The following XKR9 variants were observed in gnomAD, a reference collection of about 807,000 sequenced individuals.
XKR9 encodes XK-related protein 9.
XKR9 carries 32 observed loss-of-function variants against 32.0 expected under a neutral mutation model. The observed-to-expected ratio is 1.00, with a 90% CI of 0.76 to 1.34. The LOEUF (loss-of-function observed/expected upper bound fraction) is 1.34. XKR9 is among the 40% of genes most tolerant of loss of function. The pLI is 0.00. For synonymous variants in XKR9, 168 were observed against 143.4 expected, an observed-to-expected ratio of 1.17 and a Z score of -1.22; for missense variants, 546 against 429.7, an observed-to-expected ratio of 1.27 and a Z score of -2.39.
chr8:70,678,187 GC>G (rs1412981300), intron 2 of XKR9: 1 of 151,966 alleles, frequency 6.6e-6, no homozygotes, highest in Non-Finnish European at 1.5e-5. Context: ...CCCATGATAT[GC>G]CCATCTCTAC....
intron 4 of XKR9, among the ~76,000 whole-genome samples, chr8:70,727,353 G>C (rs573699312): frequency 2.4e-4 from 36 of 149,162 alleles, no homozygotes; most frequent in African/African-American, 8.9e-4. Context: ...CAGGACCTCA[G>C]AGTTTTATTA....
the XKR9 span, among the ~76,000 whole-genome samples, chr8:70,807,908 T>G: frequency 6.6e-6 from 1 of 152,146 alleles, no homozygotes; most frequent in Admixed American, 6.5e-5. Flanking sequence ...CTGGATCAAG[T>G]GGATCTAATA....
intron 2 of XKR9, among the ~76,000 whole-genome samples, chr8:70,754,864 C>A (rs199929172): frequency 0.68 from 102,441 of 151,588 alleles, 35,139 homozygotes; most frequent in Admixed American, 0.74. Context: ...CAAGGACTTC[C>A]TGTCTAAAAC....
the XKR9 span, among the ~76,000 whole-genome samples, chr8:70,817,050 C>G: frequency 3.3e-5 from 5 of 151,960 alleles, no homozygotes; most frequent in Admixed American, 3.3e-4. Context: ...GATTTTATAT[C>G]TAGAAAACCC....
In XKR9 at chr8:70,770,913, A is replaced by G; in HGVS notation, n.353-18426A>G. Reference sequence around the variant, plus strand: ...CCTGGCCTTAGCTGCCTTTCAGGATAGTGAATGCTTCTTGTCTTGCTGGGG... The same window carrying G: ...CCTGGCCTTAGCTGCCTTTCAGGATGGTGAATGCTTCTTGTCTTGCTGGGG... On this transcript the variant is annotated intron_variant and non_coding_transcript_variant, in intron 2 of 3. Transcript: ENST00000520273. Among the ~76,000 whole-genome samples, 2 of 152,166 alleles carry G rather than the reference A, an allele frequency of 1.3e-5. 1 individual carries two copies. The highest frequency in any genetic ancestry group is 1.3e-4 in the Admixed American group (2 of 15,274).
chr8:70,884,558 G>A, the XKR9 span, among the ~76,000 whole-genome samples: 1 of 152,136 alleles, frequency 6.6e-6, no homozygotes, highest in Admixed American at 6.5e-5. Context: ...TGTGAAATAT[G>A]TAAAGTCTGT....
the XKR9 span, among the ~76,000 whole-genome samples, chr8:70,899,283 T>A: frequency 5.3e-5 from 8 of 151,744 alleles, no homozygotes; most frequent in Non-Finnish European, 1.2e-4. Flanking sequence ...ATTACTTTCA[T>A]TGAATTTTTT....
the XKR9 span, among the ~76,000 whole-genome samples, chr8:70,985,198 C>A: frequency 6.6e-6 from 1 of 152,084 alleles, no homozygotes; most frequent in South Asian, 2.1e-4. Flanking sequence ...ATGTGATGTT[C>A]CCCTCCTTGT....
At chr8:70,900,872 T>G in the XKR9 span, among the ~76,000 whole-genome samples, 1 of 152,096 alleles carries the variant, frequency 6.6e-6, no homozygotes, top group African/African-American at 2.4e-5. Context: ...AGTGTTCTCA[T>G]TGTTCAATTC....
the XKR9 span, among the ~76,000 whole-genome samples, chr8:70,837,306 G>A: frequency 6.6e-6 from 1 of 152,076 alleles, no homozygotes; most frequent in East Asian, 1.9e-4. Flanking sequence ...ATGAATGTTT[G>A]ATGACTAGAA....
the XKR9 span, among the ~76,000 whole-genome samples, chr8:71,050,776 G>A: frequency 2.6e-5 from 4 of 152,206 alleles, no homozygotes; most frequent in East Asian, 1.9e-4. Flanking sequence ...CACTTAGCCC[G>A]AATTTGTTGA....
chr8:70,755,877 T>C (rs1418849984), intron 2 of XKR9, among the ~76,000 whole-genome samples: 1 of 147,482 alleles, frequency 6.8e-6, no homozygotes, highest in Non-Finnish European at 1.5e-5. Context: ...AATCTGCACA[T>C]TGTGCACATG....
At chr8:70,729,751 A>G (rs1225037058) in intron 4 of XKR9, among the ~76,000 whole-genome samples, 1 of 152,206 alleles carries the variant, frequency 6.6e-6, no homozygotes, top group Non-Finnish European at 1.5e-5. Flanking sequence ...TATCAGAATT[A>G]TAGGAGTGTC....
the XKR9 span, among the ~76,000 whole-genome samples, chr8:70,912,934 G>T: frequency 2.0e-5 from 3 of 152,050 alleles, no homozygotes; most frequent in African/African-American, 7.2e-5. Context: ...AAGTAACAAA[G>T]AATACTAACC....
the XKR9 span, among the ~76,000 whole-genome samples, chr8:70,896,518 C>T: frequency 6.7e-6 from 1 of 150,362 alleles, no homozygotes; most frequent in African/African-American, 2.4e-5. Flanking sequence ...TATATGGGGA[C>T]TCATTCTTGA....
chr8:70,916,062 C>T, the XKR9 span, among the ~76,000 whole-genome samples: 2 of 152,078 alleles, frequency 1.3e-5, no homozygotes, highest in Non-Finnish European at 2.9e-5. Context: ...CCTGTGATGC[C>T]ACCTCTGCCA....
At chr8:70,970,544 C>G in the XKR9 span, among the ~76,000 whole-genome samples, 1 of 152,090 alleles carries the variant, frequency 6.6e-6, no homozygotes, top group Non-Finnish European at 1.5e-5. Context: ...GTTCATCTCC[C>G]ACTTATGAAT....
chr8:70,922,762 G>A, the XKR9 span, among the ~76,000 whole-genome samples: 11,505 of 152,228 alleles, frequency 0.076, 503 homozygotes, highest in Non-Finnish European at 0.09. Context: ...AATTTTAGCA[G>A]TTATTGGCAT....
At chr8:70,691,978 C>T (rs982017289) in intron 3 of XKR9, among the ~76,000 whole-genome samples, 7 of 152,062 alleles carry the variant, frequency 4.6e-5, no homozygotes, top group South Asian at 4.2e-4. Flanking sequence ...ACAGGTATAG[C>T]GTTGAATATG....
Sources: gnomAD v4.1 joint callset for allele counts (sites outside exome capture counted in the v4.1 genomes callset) on GRCh38, gnomAD v4.1.1 for gene constraint, MANE v1.5 for transcripts, NCBI Gene and HGNC (gene_info 2026-07-23, HGNC 2026-07-21) for gene names.